The following PHLDB2 variants were observed in gnomAD, a reference collection of about 807,000 sequenced individuals.
The protein encoded by PHLDB2 is pleckstrin homology-like domain family B member 2.
PHLDB2 carries 71 observed loss-of-function variants against 123.6 expected under a neutral mutation model. The observed-to-expected ratio is 0.57, with a 90% CI of 0.47 to 0.70. PHLDB2 has a LOEUF of 0.70. Ranked by LOEUF, PHLDB2 falls within the 30% of genes least tolerant of loss-of-function variation. PHLDB2 has a pLI of 0.00. For synonymous variants in PHLDB2, 547 were observed against 541.6 expected, an observed-to-expected ratio of 1.01 and a Z score of -0.14; for missense variants, 1,446 against 1,519.5, an observed-to-expected ratio of 0.95 and a Z score of 0.80.
intron 1 of PHLDB2, among the ~76,000 whole-genome samples, chr3:111,805,230 G>C (rs1311563023): frequency 6.6e-6 from 1 of 152,086 alleles, no homozygotes; most frequent in Non-Finnish European, 1.5e-5. Flanking sequence ...AACAAATTAT[G>C]ATATATCCAT....
intron 2 of PHLDB2, among the ~76,000 whole-genome samples, chr3:111,900,082 A>G (rs564030408): frequency 4.5e-4 from 68 of 152,334 alleles, no homozygotes; most frequent in African/African-American, 1.5e-3. Flanking sequence ...TTTCTTCTGC[A>G]GCTTCTTCAC....
chr3:111,849,400 G>T (rs1216157766), intron 2 of PHLDB2, among the ~76,000 whole-genome samples: 4 of 152,088 alleles, frequency 2.6e-5, no homozygotes, highest in African/African-American at 9.7e-5. Context: ...CAAACTCCTG[G>T]GCTCAAATGA....
intron 12 of PHLDB2, among the ~76,000 whole-genome samples, chr3:111,954,571 C>T (rs1027016501): frequency 4.6e-5 from 7 of 152,152 alleles, no homozygotes; most frequent in African/African-American, 1.4e-4. Context: ...TAATACATTA[C>T]ATTTATAATG....
chr3:111,818,165 GGTGTGTGTGT>G (rs5851789), intron 1 of PHLDB2, among the ~76,000 whole-genome samples: 5 of 147,706 alleles, frequency 3.4e-5, no homozygotes, highest in East Asian at 2.0e-4. Context: ...TTAAAAAACT[GGTGTGTGTGT>G]GTGTGTGTGT....
chr3:111,918,722 A>G (rs112732107), intron 3 of PHLDB2, among the ~76,000 whole-genome samples: 2 of 152,320 alleles, frequency 1.3e-5, no homozygotes, highest in African/African-American at 4.8e-5. Context: ...TGTCAGTTCT[A>G]GTTCTCTGTT....
At chr3:111,854,197 T>C (rs1022311706) in intron 2 of PHLDB2, among the ~76,000 whole-genome samples, 2 of 152,308 alleles carry the variant, frequency 1.3e-5, no homozygotes, top group East Asian at 3.9e-4. Context: ...GAGAACTCAC[T>C]ATCATGAGAA....
chr3:111,827,110 C>G (rs2062690531), intron 1 of PHLDB2, among the ~76,000 whole-genome samples: 1 of 152,226 alleles, frequency 6.6e-6, no homozygotes, highest in Non-Finnish European at 1.5e-5. Flanking sequence ...AATTTCTCAC[C>G]TAGAACAACC....
intron 1 of PHLDB2, among the ~76,000 whole-genome samples, chr3:111,760,625 G>A (rs910655828): frequency 6.6e-5 from 10 of 152,086 alleles, no homozygotes; most frequent in African/African-American, 2.4e-4. Context: ...TCTGGGGAGT[G>A]AACTAGAAGG....
At chr3:111,968,391 G>A (rs1195376071) in intron 15 of PHLDB2, among the ~76,000 whole-genome samples, 2 of 152,280 alleles carry the variant, frequency 1.3e-5, no homozygotes, top group Non-Finnish European at 2.9e-5. Flanking sequence ...GCACAAGCTT[G>A]TTGTATTCAA....
chr3:111,859,112 A>C (rs1471940410), upstream of PHLDB2: 24 of 952,718 alleles, frequency 2.5e-5, no homozygotes, highest in Non-Finnish European at 3.0e-5. Context: ...GCAGCTGGTA[A>C]ACTTGCCCCG....
intron 2 of PHLDB2, chr3:111,885,777 A>G (rs1576995527): frequency 1.7e-6 from 1 of 590,264 alleles, no homozygotes; most frequent in East Asian, 2.8e-5. Context: ...ATATCATTAA[A>G]TTTGCTTGTG....
At chr3:111,971,437 T>G (rs868676026) in intron 16 of PHLDB2, among the ~76,000 whole-genome samples, 16 of 136,662 alleles carry the variant, frequency 1.2e-4, no homozygotes, top group Middle Eastern at 3.8e-3. Flanking sequence ...GTGACTGATT[T>G]CAATTTTAAA....
chr3:111,969,782 T>C lies in PHLDB2; in HGVS notation c.3408T>C (p.Cys1136=). Residue 1136 remains cysteine (C), a synonymous_variant, in exon 16 of 18, where the codon TGT becomes TGC. Coordinates refer to ENST00000431670, the MANE Select transcript of PHLDB2 (RefSeq NM_001134438.2). ...CTGCTGGCCACAATATTGACACCTGTTACCATGTATCAATCACAGAGAAGA... is the reference window on the plus strand; with the variant it reads ...CTGCTGGCCACAATATTGACACCTGCTACCATGTATCAATCACAGAGAAGA... ...VETAGHNIDT[C]YHVSITEKTC... is the part of the protein sequence containing the mutation. 1 of 1,613,798 alleles carries C rather than the reference T, an allele frequency of 6.2e-7. No homozygotes were observed. Among genetic ancestry groups the C allele is most frequent in the African/African-American group, 1.3e-5 (1 of 75,034 alleles).
At chr3:111,971,327 A>C (rs1210334437) in intron 16 of PHLDB2, among the ~76,000 whole-genome samples, 1 of 152,044 alleles carries the variant, frequency 6.6e-6, no homozygotes. Context: ...TCTCTCATCT[A>C]TCGGCCAGGT....
chr3:111,904,276 T>TTAAAAAAAAAAAAAAAA (rs1368088646), intron 2 of PHLDB2, among the ~76,000 whole-genome samples: 1 of 11,030 alleles, frequency 9.1e-5, no homozygotes, highest in African/African-American at 1.7e-4. Flanking sequence ...AGACCCTGTC[T>TTAAAAAAAAAAAAAAAA]CAAAAAAAAA....
At chr3:111,951,983 AG>A (rs1276998548) in intron 10 of PHLDB2, among the ~76,000 whole-genome samples, 1 of 152,228 alleles carries the variant, frequency 6.6e-6, no homozygotes, top group Non-Finnish European at 1.5e-5. Context: ...AGTCCATTAG[AG>A]GATTTTTAAA....
intron 2 of PHLDB2, among the ~76,000 whole-genome samples, chr3:111,886,892 C>T (rs2066197686): frequency 6.6e-6 from 1 of 152,116 alleles, no homozygotes. Context: ...AATTAGCATA[C>T]AAAAGTCTTG....
chr3:111,823,529 C>T (rs1048370069), intron 1 of PHLDB2, among the ~76,000 whole-genome samples: 4 of 152,142 alleles, frequency 2.6e-5, no homozygotes, highest in Non-Finnish European at 2.9e-5. Flanking sequence ...AGTGGGTCAA[C>T]GGAGTGGAAT....
chr3:111,788,365 T>C (rs552151742), intron 1 of PHLDB2, among the ~76,000 whole-genome samples: 2 of 152,158 alleles, frequency 1.3e-5, no homozygotes, highest in South Asian at 4.2e-4. Context: ...AGAAGTAGAG[T>C]CTGGGACTTT....
Sources: gnomAD v4.1 joint callset for allele counts (sites outside exome capture counted in the v4.1 genomes callset) on GRCh38, gnomAD v4.1.1 for gene constraint, MANE v1.5 for transcripts, NCBI Gene and HGNC (gene_info 2026-07-23, HGNC 2026-07-21) for gene names.